Variants in NKAIN3 observed in about 807,000 individuals in gnomAD.
The protein encoded by NKAIN3 is sodium/potassium-transporting ATPase subunit beta-1-interacting protein 3.
A neutral mutation model predicts 30.2 loss-of-function variants in NKAIN3; 25 were observed. The ratio of observed to expected loss-of-function variants is 0.83; its 90% CI spans 0.60 to 1.16. The LOEUF is 1.16. Ranked by LOEUF, NKAIN3 falls within the 50% of genes most tolerant of loss-of-function variation. The probability of loss-of-function intolerance (pLI) is 0.00; values close to 1 mark genes in which losing one functional copy is unlikely to be tolerated. For synonymous variants in NKAIN3, 91 were observed against 89.6 expected (o/e 1.02, Z -0.09); for missense variants, 225 against 254.1 (o/e 0.89, Z 0.78).
chr8:62,856,434 G>C (rs1454306461), intron 4 of NKAIN3: 7 of 790,162 alleles, frequency 8.9e-6, no homozygotes, highest in Non-Finnish European at 1.6e-5. Flanking sequence ...CTATGCTGGT[G>C]ATATCTCTAT....
At chr8:62,962,620 C>G (rs895728894) in intron 6 of NKAIN3, among the ~76,000 whole-genome samples, 6 of 152,140 alleles carry the variant, frequency 3.9e-5, no homozygotes, top group Non-Finnish European at 7.3e-5. Context: ...CGCCTAGATG[C>G]CAGTAACACC....
intron 1 of NKAIN3, among the ~76,000 whole-genome samples, chr8:62,480,662 AG>A (rs377133958): frequency 1.1e-3 from 173 of 152,264 alleles, no homozygotes; most frequent in African/African-American, 3.9e-3. Context: ...ATTGAAAAAA[AG>A]GCCCTAGATT....
chr8:62,519,243 A>G (rs1346129512), intron 1 of NKAIN3, among the ~76,000 whole-genome samples: 1 of 152,128 alleles, frequency 6.6e-6, no homozygotes, highest in African/African-American at 2.4e-5. Context: ...AGGAGGGTTG[A>G]CTTGATAAAA....
chr8:62,794,118 G>T (rs1417547775), intron 4 of NKAIN3, among the ~76,000 whole-genome samples: 1 of 152,174 alleles, frequency 6.6e-6, no homozygotes, highest in Non-Finnish European at 1.5e-5. Flanking sequence ...CAATAGCTTT[G>T]TTCTTCTTCT....
intron 1 of NKAIN3, among the ~76,000 whole-genome samples, chr8:62,466,752 C>T (rs1806176438): frequency 6.6e-6 from 1 of 152,128 alleles, no homozygotes; most frequent in East Asian, 1.9e-4. Flanking sequence ...TTAAAAGCCT[C>T]ATATCATGGA....
At chr8:62,837,273 T>C (rs1166230112) in intron 4 of NKAIN3, among the ~76,000 whole-genome samples, 1 of 152,158 alleles carries the variant, frequency 6.6e-6, no homozygotes. Context: ...ACTCTCTCCA[T>C]TTCAGTTAAA....
At chr8:62,804,120 A>G (rs554184228) in intron 4 of NKAIN3, among the ~76,000 whole-genome samples, 4 of 152,328 alleles carry the variant, frequency 2.6e-5, no homozygotes, top group Admixed American at 2.6e-4. Flanking sequence ...GGCAATAATC[A>G]ATAGCTTACC....
intron 4 of NKAIN3, among the ~76,000 whole-genome samples, chr8:62,785,275 A>C (rs988206410): frequency 6.6e-6 from 1 of 152,162 alleles, no homozygotes; most frequent in South Asian, 2.1e-4. Flanking sequence ...TATACACTGC[A>C]ATGTAGATAA....
chr8:62,904,454 A>G (rs1339509184), intron 4 of NKAIN3, among the ~76,000 whole-genome samples: 2 of 152,200 alleles, frequency 1.3e-5, no homozygotes, highest in Admixed American at 6.5e-5. Context: ...AGATGGTATT[A>G]TATAATCATT....
chr8:62,624,328 A>G, intron 3 of NKAIN3, among the ~76,000 whole-genome samples: 1 of 151,940 alleles, frequency 6.6e-6, no homozygotes, highest in East Asian at 1.9e-4. Flanking sequence ...CCCCTATTCA[A>G]GATGGAGTTG....
chr8:62,646,015 T>G (rs1812448384), intron 3 of NKAIN3, among the ~76,000 whole-genome samples: 1 of 151,940 alleles, frequency 6.6e-6, no homozygotes, highest in Non-Finnish European at 1.5e-5. Context: ...CTTATTACTT[T>G]GAAATACATA....
chr8:62,575,745 T>C (rs1408590221), intron 1 of NKAIN3, among the ~76,000 whole-genome samples: 2 of 152,260 alleles, frequency 1.3e-5, no homozygotes, highest in African/African-American at 2.4e-5. Flanking sequence ...TGAAACAGCA[T>C]GGCACTGGCA....
At chr8:62,826,418 A>G (rs960709172) in intron 4 of NKAIN3, among the ~76,000 whole-genome samples, 1 of 152,172 alleles carries the variant, frequency 6.6e-6, no homozygotes, top group Non-Finnish European at 1.5e-5. Flanking sequence ...CATCATCTCT[A>G]CTGACTTCTA....
In NKAIN3 at chr8:62,447,902, G is replaced by C. The variant is rs1254988632; in HGVS notation, c.55-131637G>C. Among the ~76,000 whole-genome samples, 5 of 151,990 alleles carry C rather than the reference G, an allele frequency of 3.3e-5. No homozygotes were observed. In the East Asian group the frequency reaches 9.6e-4, roughly 29 times the overall value. ...ATCAAGGTAGGTGGGAAACTGTTTA[G>C]ATAAGTGGGATGTTTGAAATCTAAA... is the stretch of plus-strand genomic sequence containing the variant. On this transcript the variant is annotated intron_variant, in intron 1 of 6. Coordinates refer to ENST00000623646, the MANE Select transcript of NKAIN3 (RefSeq NM_001304533.3).
rs544474483 is a variant in NKAIN3, at chr8:62,864,084, G to A, written c.472-54369G>A. ...GCAACACTTTCCTGGAGCTCATTCCGACGCGGCGCAAGCGGGGCTACAGGG... is the reference window on the plus strand; with the variant it reads ...GCAACACTTTCCTGGAGCTCATTCCAACGCGGCGCAAGCGGGGCTACAGGG... On this transcript the variant is annotated intron_variant, in intron 4 of 6. Coordinates refer to ENST00000623646, the MANE Select transcript of NKAIN3 (RefSeq NM_001304533.3). 27 of 655,578 alleles carry A rather than the reference G, an allele frequency of 4.1e-5. No individual in the cohort carries two copies. In the South Asian group the frequency reaches 4.6e-4, roughly 11 times the overall value. 40.6% of individuals were successfully genotyped at this position (655,578 alleles called of 1,614,324 possible).
intron 4 of NKAIN3, among the ~76,000 whole-genome samples, chr8:62,812,503 T>A (rs1307308711): frequency 6.6e-6 from 1 of 151,866 alleles, no homozygotes; most frequent in Non-Finnish European, 1.5e-5. Context: ...GAACTTTTCT[T>A]TCTTTCATTG....
At chr8:62,367,103 A>T (rs1816761317) in intron 1 of NKAIN3, among the ~76,000 whole-genome samples, 1 of 152,302 alleles carries the variant, frequency 6.6e-6, no homozygotes, top group Admixed American at 6.5e-5. Context: ...CATGTTTTAT[A>T]TCTTAACATA....
chr8:62,617,011 T>C (rs1475882537), intron 3 of NKAIN3, among the ~76,000 whole-genome samples: 1 of 152,166 alleles, frequency 6.6e-6, no homozygotes, highest in Non-Finnish European at 1.5e-5. Context: ...GATCTGGTTG[T>C]TTAAAAGTGT....
intron 5 of NKAIN3, among the ~76,000 whole-genome samples, chr8:62,923,641 A>T (rs1192655803): frequency 6.6e-6 from 1 of 152,184 alleles, no homozygotes; most frequent in African/African-American, 2.4e-5. Context: ...TGGACAAGAC[A>T]CTGCTGAGAA....
Sources: allele counts gnomAD v4.1 joint callset (sites outside exome capture counted in the v4.1 genomes callset), GRCh38; gene constraint gnomAD v4.1.1; transcripts MANE v1.5; gene names NCBI Gene and HGNC (gene_info 2026-07-23, HGNC 2026-07-21).